Variants in DNAJB1 observed in about 807,000 individuals in gnomAD.
The protein encoded by DNAJB1 is dnaJ homolog subfamily B member 1.
A neutral mutation model predicts 24.0 loss-of-function variants in DNAJB1; 14 were observed. That is an observed-to-expected ratio of 0.58 (90% CI 0.39 to 0.91). DNAJB1 has a LOEUF of 0.91. Ranked by LOEUF, DNAJB1 falls within the 40% of genes least tolerant of loss-of-function variation. DNAJB1 has a pLI of 0.00. For missense variants in DNAJB1, 517 were observed against 458.1 expected, an observed-to-expected ratio of 1.13 and a Z score of -1.17; for synonymous variants, 262 against 174.4, an observed-to-expected ratio of 1.50 and a Z score of -3.96.
At chr19:14,559,805 T>C (rs1277214227) in intron 1 of DNAJB1, among the ~76,000 whole-genome samples, 1 of 149,980 alleles carries the variant, frequency 6.7e-6, no homozygotes, top group Non-Finnish European at 1.5e-5. Flanking sequence ...AAAAAAATTA[T>C]AGAGACACAG....
At chr19:14,544,083 A>C (rs1248143492) in intron 1 of DNAJB1, among the ~76,000 whole-genome samples, 1 of 152,016 alleles carries the variant, frequency 6.6e-6, no homozygotes, top group Non-Finnish European at 1.5e-5. Context: ...TGGGGGATCC[A>C]CAGAGGACAG....
chr19:14,533,279 G>A (rs1456299805), upstream of DNAJB1, among the ~76,000 whole-genome samples: 2 of 151,992 alleles, frequency 1.3e-5, no homozygotes, highest in Non-Finnish European at 2.9e-5. Context: ...AATTAGCTGG[G>A]TGTGGTGGCG....
chr19:14,529,867 T>G, upstream of DNAJB1: 1 of 992,484 alleles, frequency 1.0e-6, no homozygotes, highest in Non-Finnish European at 1.6e-6. Context: ...GGGCCACTCG[T>G]AAATTCCAAT....
At chr19:14,555,906 C>T (rs564993609) in intron 1 of DNAJB1, among the ~76,000 whole-genome samples, 3 of 152,280 alleles carry the variant, frequency 2.0e-5, no homozygotes, top group South Asian at 4.1e-4. Context: ...CTCTCTATAG[C>T]TCCCTCTTTG....
chr19:14,533,385 A>G (rs1016166435), upstream of DNAJB1, among the ~76,000 whole-genome samples: 8 of 151,934 alleles, frequency 5.3e-5, no homozygotes, highest in Admixed American at 2.0e-4. Context: ...GCACCACTGC[A>G]CTCCAGCCTG....
chr19:14,559,746 T>C (rs1355298674), intron 1 of DNAJB1, among the ~76,000 whole-genome samples: 3 of 151,064 alleles, frequency 2.0e-5, no homozygotes, highest in African/African-American at 7.3e-5. Context: ...AAGATCGCAC[T>C]GCTGCACTCC....
intron 2 of DNAJB1, among the ~76,000 whole-genome samples, chr19:14,524,250 C>T (rs1263911226): frequency 4.6e-5 from 7 of 152,180 alleles, no homozygotes; most frequent in Non-Finnish European, 2.9e-5. Context: ...ACCTTCAGGC[C>T]AGGTGCGGTG....
exon 1 of DNAJB1, among the ~76,000 whole-genome samples, chr19:14,560,189 C>T (rs1405522716): frequency 6.6e-6 from 1 of 152,242 alleles, no homozygotes; most frequent in African/African-American, 2.4e-5. Context: ...CGTACTCTCC[C>T]TCTTGGGCCC....
At chr19:14,542,062 C>T (rs1399722214) in intron 1 of DNAJB1, among the ~76,000 whole-genome samples, 1 of 152,084 alleles carries the variant, frequency 6.6e-6, no homozygotes, top group Non-Finnish European at 1.5e-5. Flanking sequence ...GGATTACAGG[C>T]GTGAGCCACT....
At chr19:14,548,923 A>G (rs1222297776) in intron 1 of DNAJB1, among the ~76,000 whole-genome samples, 1 of 152,140 alleles carries the variant, frequency 6.6e-6, no homozygotes, top group Non-Finnish European at 1.5e-5. Context: ...GCCACAGATG[A>G]CATCCAGTGA....
At chr19:14,536,990 A>T in intron 1 of DNAJB1, among the ~76,000 whole-genome samples, 2 of 32,762 alleles carry the variant, frequency 6.1e-5, no homozygotes, top group Admixed American at 3.8e-4. Flanking sequence ...GGGGCCGAGG[A>T]GGAGGAGGTG....
chr19:14,525,884 C>G (rs2072416125), intron 2 of DNAJB1, among the ~76,000 whole-genome samples: 1 of 152,038 alleles, frequency 6.6e-6, no homozygotes, highest in Non-Finnish European at 1.5e-5. Flanking sequence ...TCTGGGATTC[C>G]TGACACAGCA....
chr19:14,553,462 C>T (rs557585489), upstream of DNAJB1, among the ~76,000 whole-genome samples: 11 of 152,208 alleles, frequency 7.2e-5, no homozygotes, highest in South Asian at 2.1e-4. Flanking sequence ...CTGGTGCAGC[C>T]GCCCCCGGGT....
At chr19:14,554,844 C>T (rs577839707), upstream of DNAJB1, among the ~76,000 whole-genome samples, 49 of 151,856 alleles carry the variant, frequency 3.2e-4, no homozygotes, top group Non-Finnish European at 5.0e-4. Flanking sequence ...AGTGGCCTGA[C>T]CTCTGCTCAC....
chr19:14,528,433 T>G (rs1440469600), intron 1 of DNAJB1, among the ~76,000 whole-genome samples: 1 of 151,014 alleles, frequency 6.6e-6, no homozygotes, highest in African/African-American at 2.4e-5. Flanking sequence ...AGCGATGAGG[T>G]TTCACCATAT....
At chr19:14,519,522 C>G (rs543161715), upstream of DNAJB1, among the ~76,000 whole-genome samples, 1 of 152,198 alleles carries the variant, frequency 6.6e-6, no homozygotes, top group Non-Finnish European at 1.5e-5. Context: ...GCGCATCTCC[C>G]AAGGTCCTCC....
chr19:14,550,061 G>A (rs2073443612), intron 1 of DNAJB1, among the ~76,000 whole-genome samples: 1 of 151,878 alleles, frequency 6.6e-6, no homozygotes, highest in Admixed American at 6.6e-5. Flanking sequence ...ATTACATATA[G>A]CGATTTATTT....
chr19:14,523,080 C>G (rs939740726), upstream of DNAJB1, among the ~76,000 whole-genome samples: 1 of 151,958 alleles, frequency 6.6e-6, no homozygotes, highest in Admixed American at 6.6e-5. Flanking sequence ...GTGGCATGTG[C>G]CCATACTCCC....
At chr19:14,533,730 C>T (rs1435028862), upstream of DNAJB1, among the ~76,000 whole-genome samples, 1 of 152,074 alleles carries the variant, frequency 6.6e-6, no homozygotes, top group Admixed American at 6.6e-5. Flanking sequence ...AAAAGTTTTC[C>T]ACTCTGTGGC....
Sources: gnomAD v4.1 joint callset for allele counts (sites outside exome capture counted in the v4.1 genomes callset) on GRCh38, gnomAD v4.1.1 for gene constraint, MANE v1.5 for transcripts, NCBI Gene and HGNC (gene_info 2026-07-23, HGNC 2026-07-21) for gene names.